FAM227B: variants seen among roughly 807,000 people sequenced by gnomAD.
FAM227B encodes the protein protein FAM227B.
FAM227B carries 88 observed loss-of-function variants against 73.8 expected under a neutral mutation model. That is an observed-to-expected ratio of 1.19 (90% CI 1.00 to 1.42). The LOEUF (loss-of-function observed/expected upper bound fraction) is 1.42, where lower values mean the gene tolerates loss of function less well. FAM227B is among the 40% of genes most tolerant of loss of function. The probability of loss-of-function intolerance (pLI) is 0.00; values close to 1 mark genes in which losing one functional copy is unlikely to be tolerated. For synonymous variants in FAM227B, 210 were observed against 190.5 expected, an observed-to-expected ratio of 1.10 and a Z score of -0.84; for missense variants, 632 against 590.9, an observed-to-expected ratio of 1.07 and a Z score of -0.72.
intron 10 of FAM227B, among the ~76,000 whole-genome samples, chr15:49,534,443 T>C (rs942298942): frequency 5.3e-5 from 8 of 151,886 alleles, no homozygotes; most frequent in Admixed American, 1.3e-4. Context: ...AAAGTATATA[T>C]GCACCCAACA....
At chr15:49,426,185 T>C (rs1239046511) in intron 11 of FAM227B, among the ~76,000 whole-genome samples, 2 of 151,894 alleles carry the variant, frequency 1.3e-5, no homozygotes, top group African/African-American at 4.8e-5. Flanking sequence ...CAATTTTTCA[T>C]CTATAAAATG....
chr15:49,352,595 T>C (rs1387297990), intron 13 of FAM227B, among the ~76,000 whole-genome samples: 2 of 152,218 alleles, frequency 1.3e-5, no homozygotes, highest in Non-Finnish European at 2.9e-5. Flanking sequence ...TATTCTGTGT[T>C]ATGCATAATT....
chr15:49,517,803 C>T (rs1244504316), intron 10 of FAM227B, among the ~76,000 whole-genome samples: 1 of 152,098 alleles, frequency 6.6e-6, no homozygotes, highest in Non-Finnish European at 1.5e-5. Context: ...ACTACCCATT[C>T]CAAGGGTAAC....
Position 49,367,434 on chromosome 15 carries a change from T to C in FAM227B, c.1271+14A>G, listed in dbSNP as rs745667919. 6.5e-7 allele frequency: 1 copy of C among 1,543,000 alleles called. No homozygotes were observed. Among genetic ancestry groups the C allele is most frequent in the Non-Finnish European group, 8.7e-7 (1 of 1,156,008 alleles). On this transcript the variant is annotated intron_variant, in intron 13 of 15. Transcript: ENST00000299338. Reference sequence around the variant, plus strand: ...GAAAGAAATTATATTAAAGCAAAGCTTTAAAAAGGATATGGTTCCTGGAAT... The same window carrying C: ...GAAAGAAATTATATTAAAGCAAAGCCTTAAAAAGGATATGGTTCCTGGAAT...
intron 11 of FAM227B, among the ~76,000 whole-genome samples, chr15:49,382,031 A>C (rs1466512982): frequency 6.6e-6 from 1 of 152,116 alleles, no homozygotes; most frequent in Non-Finnish European, 1.5e-5. Context: ...TGTATAGAAT[A>C]AAAATTATGA....
intron 11 of FAM227B, among the ~76,000 whole-genome samples, chr15:49,394,275 G>A (rs116399660): frequency 4.1e-4 from 63 of 152,222 alleles, no homozygotes; most frequent in African/African-American, 1.4e-3. Context: ...TTAGGTAGGA[G>A]CAAAAAAGGG....
intron 11 of FAM227B, among the ~76,000 whole-genome samples, chr15:49,450,208 C>T (rs568942852): frequency 6.6e-6 from 1 of 152,082 alleles, no homozygotes; most frequent in Non-Finnish European, 1.5e-5. Flanking sequence ...TATCAAGACT[C>T]AAGTGACAGA....
chr15:49,332,206 T>C (rs2038922879), intron 14 of FAM227B, among the ~76,000 whole-genome samples: 1 of 152,180 alleles, frequency 6.6e-6, no homozygotes, highest in African/African-American at 2.4e-5. Context: ...TGTGTGGTTC[T>C]CATCCCAGCA....
chr15:49,341,371 C>A (rs1207612633), intron 13 of FAM227B, among the ~76,000 whole-genome samples: 1 of 152,100 alleles, frequency 6.6e-6, no homozygotes, highest in Non-Finnish European at 1.5e-5. Context: ...AATATTGATT[C>A]TTCCAACCCA....
At chr15:49,619,655 T>C (rs1027008399) in intron 1 of FAM227B, among the ~76,000 whole-genome samples, 2 of 152,244 alleles carry the variant, frequency 1.3e-5, no homozygotes, top group African/African-American at 4.8e-5. Flanking sequence ...TTACATACGA[T>C]AGCAACCCAA....
At chr15:49,334,874 T>C (rs1306353954) in intron 14 of FAM227B, among the ~76,000 whole-genome samples, 1 of 152,154 alleles carries the variant, frequency 6.6e-6, no homozygotes, top group African/African-American at 2.4e-5. Flanking sequence ...CTTGTAAAAA[T>C]TGATGGATAT....
Position 49,577,763 on chromosome 15 carries a change from G to C in FAM227B, c.406-99C>G. On this transcript the variant is annotated intron_variant, in intron 5 of 15. Transcript: ENST00000299338. ...TAACTAGTATGCATAGATAACTATA[G>C]ATATATGTATATATATCCTACAGAG... is the stretch of plus-strand genomic sequence containing the variant. 3 of 649,002 alleles carry C rather than the reference G, an allele frequency of 4.6e-6. No homozygotes were observed. In the East Asian group the frequency reaches 8.6e-5, roughly 19 times the overall value. 40.2% of individuals were successfully genotyped at this position (649,002 alleles called of 1,614,324 possible).
chr15:49,341,429 T>A (rs2040715220), intron 13 of FAM227B, among the ~76,000 whole-genome samples: 1 of 152,196 alleles, frequency 6.6e-6, no homozygotes, highest in African/African-American at 2.4e-5. Flanking sequence ...ATGATTTCTT[T>A]CCACAGAATT....
intron 11 of FAM227B, among the ~76,000 whole-genome samples, chr15:49,439,324 CAG>C (rs144638662): frequency 1.3e-5 from 2 of 150,078 alleles, no homozygotes; most frequent in Non-Finnish European, 1.5e-5. Context: ...GAAAGGGAGG[CAG>C]AGAGAGAGAG....
intron 11 of FAM227B, chr15:49,486,723 T>C (rs2056430396): frequency 6.6e-6 from 1 of 152,000 alleles, no homozygotes; most frequent in Non-Finnish European, 1.5e-5. Context: ...CATTTAGTGG[T>C]AAATCCATTC....
chr15:49,366,349 C>T (rs1037087441), intron 13 of FAM227B: 3 of 787,326 alleles, frequency 3.8e-6, no homozygotes, highest in Non-Finnish European at 7.1e-6. Flanking sequence ...TGACAACCAA[C>T]ATTGCTTCAG....
At chr15:49,387,670 G>T (rs1303574154) in intron 11 of FAM227B, among the ~76,000 whole-genome samples, 1 of 151,666 alleles carries the variant, frequency 6.6e-6, no homozygotes, top group Non-Finnish European at 1.5e-5. Context: ...CATTGAAACT[G>T]GAAAAGAGGA....
chr15:49,575,932 C>A (rs948773701), intron 7 of FAM227B, among the ~76,000 whole-genome samples: 8 of 152,154 alleles, frequency 5.3e-5, no homozygotes, highest in African/African-American at 1.2e-4. Flanking sequence ...TTCTTAGTCA[C>A]AAAATGTTTT....
intron 10 of FAM227B, among the ~76,000 whole-genome samples, chr15:49,534,333 C>T (rs1196288921): frequency 1.3e-5 from 2 of 151,686 alleles, no homozygotes; most frequent in African/African-American, 4.8e-5. Context: ...CATATGATAG[C>T]AAAACAAAGT....
Sources: gnomAD v4.1 joint callset for allele counts (sites outside exome capture counted in the v4.1 genomes callset) on GRCh38, gnomAD v4.1.1 for gene constraint, MANE v1.5 for transcripts, NCBI Gene and HGNC (gene_info 2026-07-23, HGNC 2026-07-21) for gene names.